NAGLU: variants seen among roughly 807,000 people sequenced by gnomAD.
The protein encoded by NAGLU is N-acetyl-alpha-glucosaminidase, also known as alpha-N-acetylglucosaminidase.
Under a neutral mutation model 43.4 loss-of-function variants are expected in NAGLU, and 34 were observed. The observed-to-expected ratio is 0.78, with a 90% CI of 0.60 to 1.04. The LOEUF is 1.04. NAGLU is among the 50% of genes least tolerant of loss of function. The pLI, the probability that NAGLU is intolerant of heterozygous loss-of-function variation, is 0.00. For missense variants in NAGLU, 910 were observed against 993.7 expected, an observed-to-expected ratio of 0.92 and a Z score of 1.13; for synonymous variants, 425 against 437.6, an observed-to-expected ratio of 0.97 and a Z score of 0.36.
At position 42,537,477 on chromosome 17, in the gene NAGLU, G is replaced by A; in HGVS notation, c.463G>A (p.Asp155Asn). 6.2e-7 allele frequency: 1 copy of A among 1,614,262 alleles called. No homozygotes were observed. Among genetic ancestry groups the A allele is most frequent in the Non-Finnish European group, 8.5e-7 (1 of 1,180,036 alleles). The change falls in exon 2 of 6, where the codon GAC becomes AAC. Residue 155 changes from aspartate (D) to asparagine (N), a missense_variant. Physicochemically the swap from Asp to Asn is conservative, Grantham distance 23. Transcript: ENST00000225927. ...WDWARWEREI[D>N]WMALNGINLA... is the part of the protein sequence containing the mutation. Reference sequence around the variant, plus strand: ...CTGGGCCCGCTGGGAGCGAGAGATAGACTGGATGGCGCTGAATGGCATCAA... The same window carrying A: ...CTGGGCCCGCTGGGAGCGAGAGATAAACTGGATGGCGCTGAATGGCATCAA...
chr17:42,537,192 G>C, intron 1 of NAGLU: 1 of 670,520 alleles, frequency 1.5e-6, no homozygotes, highest in Admixed American at 2.4e-5. Flanking sequence ...AGGCTAGAGG[G>C]CCCTGGGAGA....
In NAGLU at chr17:42,544,254, TG is replaced by T; in HGVS notation, c.*19del. 6.2e-7 allele frequency: 1 copy of T among 1,605,812 alleles called. No homozygotes were observed. The highest frequency in any genetic ancestry group is 8.5e-7 in the Non-Finnish European group (1 of 1,179,956). ...CTCTTGGTGATAGATTCGCCACCAC[TG>T]GGCCTTGTTTTCCGCTAATTCCAGG... On this transcript the variant is annotated 3_prime_UTR_variant, in exon 6 of 6. Coordinates refer to ENST00000225927, the MANE Select transcript of NAGLU (RefSeq NM_000263.4).
chr17:42,543,029 G>T lies in NAGLU; in HGVS notation c.1023G>T (p.Val341=), dbSNP rs1267291000. Reference sequence around the variant, plus strand: ...GTTCCCCCTACCTCCTGTCCACAGTGGATACTGAGGCTGTGTGGCTGCTCC... The same window carrying T: ...GTTCCCCCTACCTCCTGTCCACAGTTGATACTGAGGCTGTGTGGCTGCTCC... The part of the protein sequence containing the change: ...TTAVYEAMTA[V]DTEAVWLLQG... Residue 341 remains valine, a splice_region_variant and synonymous_variant, in exon 6 of 6, where the codon GTG becomes GTT. Coordinates refer to ENST00000225927, the MANE Select transcript of NAGLU (RefSeq NM_000263.4). The T allele has an allele frequency of 8.7e-6, 14 of 1,602,206 alleles. 1 individual carries two copies. In the South Asian group the frequency reaches 1.4e-4, roughly 16 times the overall value.
In NAGLU at chr17:42,538,414, C is replaced by T. The variant is rs1279412522; in HGVS notation, c.607C>T (p.Arg203Ter). Residue 203 changes from arginine (R) to a stop codon, truncating the protein, a stop_gained, in exon 3 of 6, where the codon CGA becomes TGA. Coordinates refer to ENST00000225927, the MANE Select transcript of NAGLU (RefSeq NM_000263.4). LOFTEE classifies it high-confidence loss of function. ...TGGTCCTGCCTTCCTGGCCTGGGGG[C>T]GAATGGGCAACCTGCACACCTGGGA... The part of the protein sequence containing the change: ...FTGPAFLAWG[R>*]MGNLHTWDGP... 3.7e-6 allele frequency: 6 copies of T among 1,614,100 alleles called. No homozygotes were observed. The highest frequency in any genetic ancestry group is 2.2e-5 in the South Asian group (2 of 91,094).
chr17:42,543,670 C>T lies in NAGLU; in HGVS notation c.1664C>T (p.Ala555Val). The T allele has an allele frequency of 6.2e-7, 1 of 1,613,180 alleles. No individual in the cohort carries two copies. The highest frequency in any genetic ancestry group is 8.5e-7 in the Non-Finnish European group (1 of 1,180,026). ...GCTCCCTCCCTGGCCACCAGCCCCGCCTTCCGCTACGACCTGCTGGACCTC... is the reference window on the plus strand; with the variant it reads ...GCTCCCTCCCTGGCCACCAGCCCCGTCTTCCGCTACGACCTGCTGGACCTC... ...TSAPSLATSP[A>V]FRYDLLDLTR... Residue 555 changes from alanine to valine, a missense_variant, in exon 6 of 6, where the codon GCC becomes GTC. Coordinates refer to ENST00000225927, the MANE Select transcript of NAGLU (RefSeq NM_000263.4).
Position 42,536,503 on chromosome 17 carries a change from G to C in NAGLU, c.231G>C (p.Val77=), listed in dbSNP as rs949225882. 8.0e-7 allele frequency: 1 copy of C among 1,242,504 alleles called. No individual in the cohort carries two copies. The highest frequency in any genetic ancestry group is 1.6e-5 in the African/African-American group (1 of 63,534). 77.0% of individuals were successfully genotyped at this position (1,242,504 alleles called of 1,614,324 possible). A position where few individuals can be genotyped will look rare whatever the true frequency, so the allele number is the denominator to read the frequency against. The change falls in exon 1 of 6, where the codon GTG becomes GTC. Residue 77 remains valine (V), a synonymous_variant. Transcript: ENST00000225927. ...GCGGCGGCGCGGCGCGCGTGCGGGT[G>C]CGCGGCTCCACGGGCGTGGCGGCCG... ...LGGGGAARVR[V]RGSTGVAAAA...
rs1231353495 is a variant in NAGLU, at chr17:42,538,753, C to A, written c.762C>A (p.Thr254=). ...AFAGHVPEAV[T]RVFPQVNVTK... is the part of the protein sequence containing the mutation. ...CGGGGCATGTTCCCGAGGCTGTCAC[C>A]AGGTGAGGTTCCGCTCACCCCCTCC... Residue 254 remains threonine, a splice_region_variant and synonymous_variant, in exon 4 of 6, where the codon ACC becomes ACA. Coordinates refer to ENST00000225927, the MANE Select transcript of NAGLU (RefSeq NM_000263.4). The A allele has an allele frequency of 6.2e-7, 1 of 1,613,916 alleles. No individual in the cohort carries two copies. Among genetic ancestry groups the A allele is most frequent in the Non-Finnish European group, 8.5e-7 (1 of 1,180,024 alleles).
intron 2 of NAGLU, among the ~76,000 whole-genome samples, 198 bp from the exon 3 acceptor site, chr17:42,538,141 C>A (rs576051541): frequency 6.6e-6 from 1 of 152,212 alleles, no homozygotes; most frequent in Admixed American, 6.5e-5. Flanking sequence ...CTCACCCATG[C>A]GACAAAGGCA....
intron 4 of NAGLU, 136 bp from the exon 5 acceptor site, chr17:42,540,814 G>A: frequency 7.9e-7 from 1 of 1,266,840 alleles, no homozygotes; most frequent in Non-Finnish European, 1.1e-6. Context: ...AGGACTGTAG[G>A]CAGAGAGCAT....
chr17:42,543,136 G>A lies in NAGLU; in HGVS notation c.1130G>A (p.Arg377His), dbSNP rs199850748. Reference sequence around the variant, plus strand: ...GTGCTGGGAGCTGTGCCCCGTGGCCGCCTCCTGGTTCTGGACCTGTTTGCT... The same window carrying A: ...GTGCTGGGAGCTGTGCCCCGTGGCCACCTCCTGGTTCTGGACCTGTTTGCT... ...RAVLGAVPRGRLLVLDLFAES... is the reference protein window; with the variant it reads ...RAVLGAVPRGHLLVLDLFAES... Residue 377 changes from arginine (R) to histidine (H), a missense_variant, in exon 6 of 6, where the codon CGC becomes CAC. Coordinates refer to ENST00000225927, the MANE Select transcript of NAGLU (RefSeq NM_000263.4). 4.3e-6 allele frequency: 7 copies of A among 1,613,686 alleles called. No individual in the cohort carries two copies. Among genetic ancestry groups the A allele is most frequent in the Admixed American group, 3.3e-5 (2 of 60,014 alleles).
intron 4 of NAGLU, among the ~76,000 whole-genome samples, chr17:42,539,640 T>A (rs992754056): frequency 6.6e-6 from 1 of 152,262 alleles, no homozygotes; most frequent in Non-Finnish European, 1.5e-5. Flanking sequence ...CTGCCAGAAC[T>A]GGCTGTGCTG....
intron 1 of NAGLU, 142 bp from the exon 2 acceptor site, chr17:42,537,256 A>G: frequency 7.8e-7 from 1 of 1,280,730 alleles, no homozygotes; most frequent in Non-Finnish European, 1.1e-6. Context: ...TCTCAGCTCC[A>G]CCTGGGGTGG....
Position 42,537,557 on chromosome 17 carries a change from C to T in NAGLU, c.531+12C>T, listed in dbSNP as rs989825472. On this transcript the variant is annotated intron_variant, in intron 2 of 5. Coordinates refer to ENST00000225927, the MANE Select transcript of NAGLU (RefSeq NM_000263.4). Reference sequence around the variant, plus strand: ...CCATCTGGCAGCGGGTGCGTGCCCACTGTCCCTTCCCCACCCTCCTCTATG... The same window carrying T: ...CCATCTGGCAGCGGGTGCGTGCCCATTGTCCCTTCCCCACCCTCCTCTATG... 3.7e-6 allele frequency: 6 copies of T among 1,613,102 alleles called. No homozygotes were observed. Among genetic ancestry groups the T allele is most frequent in the Non-Finnish European group, 5.1e-6 (6 of 1,179,962 alleles).
intron 4 of NAGLU, among the ~76,000 whole-genome samples, chr17:42,539,153 G>C (rs1340679567): frequency 6.6e-6 from 1 of 152,134 alleles, no homozygotes; most frequent in Admixed American, 6.5e-5. Flanking sequence ...CGTAGGCCTG[G>C]GTTTGATTTC....
Position 42,543,395 on chromosome 17 carries a change from G to C in NAGLU, c.1389G>C (p.Trp463Cys). ...VVYSLMAELGWRKDPVPDLAA... is the reference protein window; with the variant it reads ...VVYSLMAELGCRKDPVPDLAA... Reference sequence around the variant, plus strand: ...ATTCCCTCATGGCTGAGCTGGGCTGGCGAAAGGACCCAGTGCCAGATTTGG... The same window carrying C: ...ATTCCCTCATGGCTGAGCTGGGCTGCCGAAAGGACCCAGTGCCAGATTTGG... Residue 463 changes from tryptophan to cysteine, a missense_variant, in exon 6 of 6, where the codon TGG becomes TGC. Physicochemically the swap from Trp to Cys is radical, Grantham distance 215. Transcript: ENST00000225927. 6.2e-7 allele frequency: 1 copy of C among 1,607,448 alleles called. No homozygotes were observed. Among genetic ancestry groups the C allele is most frequent in the East Asian group, 2.2e-5 (1 of 44,672 alleles).
chr17:42,538,146 A>G (rs1377410562), intron 2 of NAGLU, among the ~76,000 whole-genome samples, 193 bp from the exon 3 acceptor site: 1 of 152,272 alleles, frequency 6.6e-6, no homozygotes, highest in South Asian at 2.1e-4. Flanking sequence ...CCATGCGACA[A>G]AGGCAACACA....
chr17:42,543,940 A>C lies in NAGLU; in HGVS notation c.1934A>C (p.Gln645Pro), dbSNP rs747924769. Residue 645 changes from glutamine to proline, a missense_variant, in exon 6 of 6, where the codon CAG (glutamine) becomes CCG (proline). Coordinates refer to ENST00000225927, the MANE Select transcript of NAGLU (RefSeq NM_000263.4). ...TTCTACGAGCAGAACAGCCGCTACC[A>C]GCTGACCTTGTGGGGGCCAGAAGGC... Reference protein sequence around the residue: ...ADFYEQNSRYQLTLWGPEGNI... With the variant: ...ADFYEQNSRYPLTLWGPEGNI... 1 of 1,609,040 alleles carries C rather than the reference A, an allele frequency of 6.2e-7. No homozygotes were observed. The highest frequency in any genetic ancestry group is 8.5e-7 in the Non-Finnish European group (1 of 1,177,754).
intron 3 of NAGLU, 65 bp from the exon 4 acceptor site, chr17:42,538,605 G>A: frequency 6.2e-7 from 1 of 1,612,656 alleles, no homozygotes; most frequent in Non-Finnish European, 8.5e-7. Flanking sequence ...TGTATCCTGG[G>A]AGATGAGGGC....
intron 1 of NAGLU, chr17:42,536,916 A>C: frequency 2.8e-6 from 2 of 710,240 alleles, no homozygotes; most frequent in Non-Finnish European, 4.3e-6. Context: ...TGTGGTGCAC[A>C]ATTGGTGATG....
Sources: allele counts gnomAD v4.1 joint callset (sites outside exome capture counted in the v4.1 genomes callset), GRCh38; gene constraint gnomAD v4.1.1; transcripts MANE v1.5; gene names NCBI Gene and HGNC (gene_info 2026-07-23, HGNC 2026-07-21).